WASF3: variants seen among roughly 807,000 people sequenced by gnomAD.
The protein encoded by WASF3 is actin-binding protein WASF3.
WASF3 carries 11 observed loss-of-function variants against 46.6 expected under a neutral mutation model. The observed-to-expected ratio is 0.24, with a 90% CI of 0.15 to 0.39. The LOEUF is 0.39. Ranked by LOEUF, WASF3 falls within the 10% of genes least tolerant of loss-of-function variation. The probability of loss-of-function intolerance (pLI) is 1.00; values close to 1 mark genes in which losing one functional copy is unlikely to be tolerated. For synonymous variants in WASF3, 242 were observed against 259.7 expected (o/e 0.93, Z 0.65); for missense variants, 576 against 669.8 (o/e 0.86, Z 1.55).
chr13:26,553,774 G>C (rs986742736), upstream of WASF3, among the ~76,000 whole-genome samples: 1 of 150,476 alleles, frequency 6.6e-6, no homozygotes, highest in African/African-American at 2.5e-5. Context: ...CCGAGATCAC[G>C]CCACTGCACT....
intron 1 of WASF3, among the ~76,000 whole-genome samples, chr13:26,612,184 A>G (rs1200686788): frequency 6.6e-6 from 1 of 152,156 alleles, no homozygotes; most frequent in African/African-American, 2.4e-5. Context: ...GCATTTTCTT[A>G]TTCATTTTTA....
upstream of WASF3, among the ~76,000 whole-genome samples, chr13:26,553,422 C>T (rs1879011519): frequency 6.6e-6 from 1 of 151,902 alleles, no homozygotes. Context: ...TCTGCTTGTA[C>T]ACTAGAATGA....
At chr13:26,541,105 A>C in the WASF3 span, among the ~76,000 whole-genome samples, 1 of 152,208 alleles carries the variant, frequency 6.6e-6, no homozygotes, top group Non-Finnish European at 1.5e-5. Flanking sequence ...TTTTTAAATA[A>C]GGAAAACAAC....
upstream of WASF3, among the ~76,000 whole-genome samples, chr13:26,556,293 C>T (rs1169811375): frequency 6.6e-6 from 1 of 152,318 alleles, no homozygotes; most frequent in East Asian, 1.9e-4. Context: ...TCTATACTTT[C>T]ATATTTTTGA....
chr13:26,591,485 CAGTG>C (rs1880292347), intron 1 of WASF3, among the ~76,000 whole-genome samples: 1 of 151,870 alleles, frequency 6.6e-6, no homozygotes, highest in African/African-American at 2.4e-5. Flanking sequence ...GTGGATCTGA[CAGTG>C]AGGGAGGGAA....
rs558745766 is a variant in WASF3 at position 26,648,160 on chromosome 13, C to T, written c.133+5757C>T. Among the ~76,000 whole-genome samples the T allele has an allele frequency of 3.3e-5, 5 of 152,192 alleles. No individual in the cohort carries two copies. In the East Asian group the frequency reaches 9.6e-4, roughly 29 times the overall value. On this transcript the variant is annotated intron_variant, in intron 3 of 9. Transcript: ENST00000335327. ...AGATTTCTTATGTCTTAGGAGTCAT[C>T]AGGCTTCTTCATAATGAGCAGGGAT...
chr13:26,568,116 C>G (rs1049624479), intron 1 of WASF3, among the ~76,000 whole-genome samples: 1 of 151,824 alleles, frequency 6.6e-6, no homozygotes, highest in Non-Finnish European at 1.5e-5. Flanking sequence ...TGTGTAGGGC[C>G]GTATAGACTG....
At chr13:26,645,853 T>G (rs1230510688) in intron 3 of WASF3, among the ~76,000 whole-genome samples, 1 of 152,150 alleles carries the variant, frequency 6.6e-6, no homozygotes, top group East Asian at 1.9e-4. Context: ...CAGTTTCTGG[T>G]CTGGCTTTTA....
intron 1 of WASF3, among the ~76,000 whole-genome samples, chr13:26,595,908 C>T (rs771775913): frequency 6.6e-6 from 1 of 152,126 alleles, no homozygotes; most frequent in Non-Finnish European, 1.5e-5. Context: ...ACAACATTTG[C>T]ATTGTTTCTG....
intron 1 of WASF3, among the ~76,000 whole-genome samples, chr13:26,560,186 G>C (rs562943010): frequency 6.6e-6 from 1 of 151,912 alleles, no homozygotes; most frequent in South Asian, 2.1e-4. Context: ...GCTTTTTTTG[G>C]CTTTGCTCTT....
chr13:26,681,331 A>C lies in WASF3; in HGVS notation c.983+11A>C. ...TCCAGCAGACTACGGGTAACTCAGC[A>C]TGCCTTGTACCCTAATCCCTCCTGG... is the stretch of plus-strand genomic sequence containing the variant. On this transcript the variant is annotated intron_variant, in intron 8 of 9. Transcript: ENST00000335327. 6.4e-7 allele frequency: 1 copy of C among 1,572,624 alleles called. No homozygotes were observed. Among genetic ancestry groups the C allele is most frequent in the Non-Finnish European group, 8.6e-7 (1 of 1,159,640 alleles).
At chr13:26,617,209 A>C (rs1471123003) in intron 2 of WASF3, among the ~76,000 whole-genome samples, 1 of 152,092 alleles carries the variant, frequency 6.6e-6, no homozygotes, top group Non-Finnish European at 1.5e-5. Context: ...TTCTGAGAAA[A>C]GTATGTTGGG....
chr13:26,654,089 G>A (rs567813091), intron 3 of WASF3, among the ~76,000 whole-genome samples: 3 of 152,106 alleles, frequency 2.0e-5, no homozygotes, highest in South Asian at 2.1e-4. Context: ...TCACTATTCC[G>A]ATCCAAGTCA....
intron 2 of WASF3, among the ~76,000 whole-genome samples, chr13:26,629,464 G>A (rs773824284): frequency 6.6e-6 from 1 of 152,188 alleles, no homozygotes; most frequent in African/African-American, 2.4e-5. Context: ...TCCACCTGCT[G>A]GGAAGATTTT....
intron 6 of WASF3, 89 bp from the exon 7 acceptor site, chr13:26,676,460 A>T: frequency 7.0e-7 from 1 of 1,419,558 alleles, no homozygotes; most frequent in Non-Finnish European, 9.6e-7. Context: ...TTCATCAGGC[A>T]TGGGCCTTGT....
chr13:26,597,889 A>G (rs891699248), intron 1 of WASF3, among the ~76,000 whole-genome samples: 3 of 152,086 alleles, frequency 2.0e-5, no homozygotes, highest in African/African-American at 7.2e-5. Flanking sequence ...GCCTGGTTCC[A>G]AGTCTTTGCT....
At chr13:26,568,782 G>A (rs1484691688) in intron 1 of WASF3, among the ~76,000 whole-genome samples, 1 of 152,198 alleles carries the variant, frequency 6.6e-6, no homozygotes, top group African/African-American at 2.4e-5. Context: ...GTTTGGGAAA[G>A]TTAGTACCAT....
chr13:26,643,845 C>T (rs1008182973), intron 3 of WASF3, among the ~76,000 whole-genome samples: 2 of 152,180 alleles, frequency 1.3e-5, no homozygotes, highest in Non-Finnish European at 2.9e-5. Flanking sequence ...TGAATCTGCC[C>T]ACACAGTATG....
intron 1 of WASF3, among the ~76,000 whole-genome samples, chr13:26,589,683 T>G (rs1880232411): frequency 6.6e-6 from 1 of 152,184 alleles, no homozygotes; most frequent in Non-Finnish European, 1.5e-5. Context: ...ACAACAGAGT[T>G]TGGCAGATTT....
Sources: allele counts gnomAD v4.1 joint callset (sites outside exome capture counted in the v4.1 genomes callset), GRCh38; gene constraint gnomAD v4.1.1; transcripts MANE v1.5; gene names NCBI Gene and HGNC (gene_info 2026-07-23, HGNC 2026-07-21).